The following RNF168 variants were observed in gnomAD, a reference collection of about 807,000 sequenced individuals.
The protein encoded by RNF168 is ring finger protein 168.
A neutral mutation model predicts 34.9 loss-of-function variants in RNF168; 34 were observed. The observed-to-expected ratio is 0.97, with a 90% CI of 0.74 to 1.30. The LOEUF is 1.30. Ranked by LOEUF, RNF168 falls within the 50% of genes most tolerant of loss-of-function variation. RNF168 has a pLI of 0.00. For missense variants in RNF168, 725 were observed against 682.5 expected (o/e 1.06, Z -0.69); for synonymous variants, 264 against 254.7 (o/e 1.04, Z -0.35).
intron 3 of RNF168, among the ~76,000 whole-genome samples, chr3:196,485,896 C>T (rs921234999): frequency 1.3e-5 from 2 of 152,152 alleles, no homozygotes; most frequent in Non-Finnish European, 2.9e-5. Flanking sequence ...GAATGTTTCA[C>T]ACTTCCCTAC....
chr3:196,488,691 A>T lies in RNF168; in HGVS notation c.302-8T>A, dbSNP rs1192697661. Reference sequence around the variant, plus strand: ...CTGGCTGATAGTCATCAGCTATTTCATATCAAAAAAGAAAATAACATTATA... The same window carrying T: ...CTGGCTGATAGTCATCAGCTATTTCTTATCAAAAAAGAAAATAACATTATA... On this transcript the variant is annotated splice_polypyrimidine_tract_variant and splice_region_variant and intron_variant, in intron 1 of 5. Transcript: ENST00000318037. 1 of 1,573,710 alleles carries T rather than the reference A, an allele frequency of 6.4e-7. No individual in the cohort carries two copies. The highest frequency in any genetic ancestry group is 8.7e-7 in the Non-Finnish European group (1 of 1,144,076).
At chr3:196,483,388 T>C (rs905107523) in intron 4 of RNF168, among the ~76,000 whole-genome samples, 4 of 152,218 alleles carry the variant, frequency 2.6e-5, no homozygotes, top group Admixed American at 2.6e-4. Flanking sequence ...GCCACCTTTG[T>C]CTACCTGACT....
intron 1 of RNF168, among the ~76,000 whole-genome samples, chr3:196,499,815 C>T (rs1732835072): frequency 6.6e-6 from 1 of 151,990 alleles, no homozygotes; most frequent in Non-Finnish European, 1.5e-5. Flanking sequence ...AAAACAGAAA[C>T]AAAAAGAATG....
rs781641742 is a variant in RNF168 at position 196,472,617 on chromosome 3, G to C, written c.918C>G (p.Ala306=). Reference sequence around the variant, plus strand: ...TGACGTTTCCTTCATGGTACCATTCGGCACCACAGGCACATAACCATGGCA... The same window carrying C: ...TGACGTTTCCTTCATGGTACCATTCCGCACCACAGGCACATAACCATGGCA... ...SPMPWLCACG[A]EWYHEGNVKT... is the part of the protein sequence containing the mutation. Residue 306 remains alanine (A), a synonymous_variant, in exon 6 of 6, where the codon GCC becomes GCG. Transcript: ENST00000318037. 6.2e-7 allele frequency: 1 copy of C among 1,613,798 alleles called. No individual in the cohort carries two copies.
At position 196,483,798 on chromosome 3, in the gene RNF168, T is replaced by C. The variant is rs752271217; in HGVS notation, c.652A>G (p.Lys218Glu). 3 of 1,612,130 alleles carry C rather than the reference T, an allele frequency of 1.9e-6. No homozygotes were observed. Among genetic ancestry groups the C allele is most frequent in the Non-Finnish European group, 1.7e-6 (2 of 1,178,236 alleles). The change falls in exon 4 of 6, where the codon AAA becomes GAA. Residue 218 changes from lysine (K) to glutamate (E), a missense_variant. Coordinates refer to ENST00000318037, the MANE Select transcript of RNF168 (RefSeq NM_152617.4). Reference sequence around the variant, plus strand: ...TGAATATCTCCAGTGTTTCTTTGTTTGTTCTTACTTTTCTTTTCAGACTTG... The same window carrying C: ...TGAATATCTCCAGTGTTTCTTTGTTCGTTCTTACTTTTCTTTTCAGACTTG... ...TPKSEKKSKN[K>E]QRNTGDIQKY... is the part of the protein sequence containing the mutation.
chr3:196,478,605 A>G (rs1732208780), intron 4 of RNF168, among the ~76,000 whole-genome samples: 2 of 152,154 alleles, frequency 1.3e-5, no homozygotes, highest in African/African-American at 4.8e-5. Context: ...TAACATATGT[A>G]ACCAATTTTT....
At chr3:196,486,622 T>A (rs1355363665) in intron 3 of RNF168, among the ~76,000 whole-genome samples, 2 of 152,184 alleles carry the variant, frequency 1.3e-5, no homozygotes, top group African/African-American at 4.8e-5. Flanking sequence ...GCCCGAGCCA[T>A]CGCACCCTGG....
intron 1 of RNF168, among the ~76,000 whole-genome samples, chr3:196,499,008 A>G (rs1732816740): frequency 6.6e-6 from 1 of 152,058 alleles, no homozygotes; most frequent in Admixed American, 6.6e-5. Flanking sequence ...AAAAAAAAGA[A>G]TAAATCTTGA....
chr3:196,480,664 G>C (rs1732264695), intron 4 of RNF168, among the ~76,000 whole-genome samples: 1 of 152,006 alleles, frequency 6.6e-6, no homozygotes, highest in Non-Finnish European at 1.5e-5. Context: ...ATTTTTCTGA[G>C]ACATGGTCTT....
intron 1 of RNF168, among the ~76,000 whole-genome samples, chr3:196,499,787 T>C (rs1189488732): frequency 6.6e-6 from 1 of 152,214 alleles, no homozygotes; most frequent in Non-Finnish European, 1.5e-5. Flanking sequence ...GTTGTGGCTT[T>C]TTCTGGGTTT....
rs1577516447 is a variant in RNF168, at chr3:196,487,559, G to GC, written c.397dup (p.Ala133GlyfsTer11). On this transcript the variant is annotated frameshift_variant, in exon 3 of 6. Coordinates refer to ENST00000318037, the MANE Select transcript of RNF168 (RefSeq NM_152617.4). LOFTEE classifies it high-confidence loss of function. ...GGCTTTGTTTTCTTCTTCCTCGCTG[G>GC]CCCGTCGCTCTGCCGCCACCTTAAA... 1.9e-6 allele frequency: 3 copies of GC among 1,613,986 alleles called. No homozygotes were observed. Among genetic ancestry groups the GC allele is most frequent in the Non-Finnish European group, 2.5e-6 (3 of 1,179,998 alleles).
chr3:196,487,312 C>G, intron 3 of RNF168, 87 bp downstream of exon 3: 2 of 1,144,902 alleles, frequency 1.7e-6, no homozygotes, highest in Non-Finnish European at 2.7e-6. Context: ...CCTGGAAATA[C>G]AAGGAGCTGA....
intron 1 of RNF168, 47 bp from the exon 2 acceptor site, chr3:196,488,730 T>G (rs1560272792): frequency 8.0e-7 from 1 of 1,242,464 alleles, no homozygotes. Context: ...AACACAATTT[T>G]ATGGTAACTT....
intron 4 of RNF168, among the ~76,000 whole-genome samples, chr3:196,481,955 T>C (rs566348527): frequency 1.2e-3 from 170 of 146,026 alleles, no homozygotes; most frequent in African/African-American, 4.2e-3. Flanking sequence ...TGAGCCACTG[T>C]CCCTGGCTTT....
intron 4 of RNF168, among the ~76,000 whole-genome samples, chr3:196,475,965 T>G (rs989119406): frequency 3.0e-4 from 45 of 151,564 alleles, no homozygotes; most frequent in Admixed American, 6.6e-5. Flanking sequence ...GTTTAAGCGA[T>G]TTTTCTGCCT....
At chr3:196,498,473 C>T (rs1357000116) in intron 1 of RNF168, among the ~76,000 whole-genome samples, 2 of 151,968 alleles carry the variant, frequency 1.3e-5, no homozygotes, top group Admixed American at 1.3e-4. Context: ...ACCTATTCTA[C>T]GTTGCGTAAT....
intron 4 of RNF168, 85 bp from the exon 5 acceptor site, chr3:196,475,397 TTGTC>T: frequency 1.2e-6 from 1 of 802,946 alleles, no homozygotes; most frequent in Non-Finnish European, 2.2e-6. Flanking sequence ...ATACCGAAGG[TTGTC>T]TGGTTTGCTG....
chr3:196,501,510 T>G (rs1193404006), intron 1 of RNF168, among the ~76,000 whole-genome samples: 1 of 152,016 alleles, frequency 6.6e-6, no homozygotes, highest in African/African-American at 2.4e-5. Context: ...ATACCTAGAA[T>G]GGCCAGATTC....
chr3:196,473,184 T>G (rs1262211890), intron 5 of RNF168, among the ~76,000 whole-genome samples: 1 of 152,228 alleles, frequency 6.6e-6, no homozygotes, highest in Non-Finnish European at 1.5e-5. Context: ...CTGACCTTCT[T>G]TCACCTTACA....
Sources: gnomAD v4.1 joint callset for allele counts (sites outside exome capture counted in the v4.1 genomes callset) on GRCh38, gnomAD v4.1.1 for gene constraint, MANE v1.5 for transcripts, NCBI Gene and HGNC (gene_info 2026-07-23, HGNC 2026-07-21) for gene names.